The following TTC6 variants were observed in gnomAD, a reference collection of about 807,000 sequenced individuals.
The protein encoded by TTC6 is tetratricopeptide repeat protein 6.
In TTC6, 172 loss-of-function variants were observed where a neutral mutation model predicts 210.4. The observed-to-expected ratio is 0.82, with a 90% confidence interval of 0.72 to 0.93. TTC6 has a LOEUF of 0.93. Ranked by LOEUF, TTC6 falls within the 40% of genes least tolerant of loss-of-function variation. The probability of loss-of-function intolerance (pLI) is 0.00; values close to 1 mark genes in which losing one functional copy is unlikely to be tolerated. For missense variants in TTC6, 2,414 were observed against 2,318.1 expected (o/e 1.04, Z -0.85); for synonymous variants, 804 against 819.6 (o/e 0.98, Z 0.32).
chr14:37,603,913 T>C (rs1176689431), intron 1 of TTC6, among the ~76,000 whole-genome samples: 1 of 152,214 alleles, frequency 6.6e-6, no homozygotes, highest in Non-Finnish European at 1.5e-5. Flanking sequence ...AGCCTCAGTT[T>C]TCCCAACTGT....
chr14:37,735,871 T>C (rs1487558324), intron 7 of TTC6, 50 bp from the exon 10 acceptor site: 6 of 1,196,692 alleles, frequency 5.0e-6, no homozygotes, highest in Non-Finnish European at 5.9e-6. Context: ...TCATAGGCTT[T>C]TAAAAAGTAT....
intron 1 of TTC6, among the ~76,000 whole-genome samples, chr14:37,672,752 C>A (rs998930677): frequency 6.6e-6 from 1 of 150,806 alleles, no homozygotes; most frequent in African/African-American, 2.5e-5. Flanking sequence ...ATTCTGGAAA[C>A]ATTTTTTTCT....
At chr14:37,620,590 T>A (rs1186578189), upstream of TTC6, among the ~76,000 whole-genome samples, 1 of 152,222 alleles carries the variant, frequency 6.6e-6, no homozygotes, top group Non-Finnish European at 1.5e-5. Flanking sequence ...TGGCTTTGTG[T>A]AATGATCTTT....
chr14:37,699,930 G>T (rs904178620), intron 4 of TTC6, among the ~76,000 whole-genome samples: 7 of 152,098 alleles, frequency 4.6e-5, no homozygotes, highest in African/African-American at 1.7e-4. Flanking sequence ...CACCCAGTTT[G>T]GAAACTGGAG....
At chr14:37,725,312 GTATATATATATATATATATATATATATA>G (rs1169644241) in intron 7 of TTC6, among the ~76,000 whole-genome samples, 5 of 33,914 alleles carry the variant, frequency 1.5e-4, no homozygotes, top group Admixed American at 4.5e-4. Flanking sequence ...GTGTGTGTGT[GTATATATATATATATATATATATATATA>G]TATATATATA....
intron 14 of TTC6, among the ~76,000 whole-genome samples, chr14:37,774,615 A>T (rs192308441): frequency 6.6e-6 from 1 of 152,056 alleles, no homozygotes. Context: ...TAGCTTTTTG[A>T]CTTGCTGCTG....
chr14:37,628,581 G>A (rs1285124878), intron 1 of TTC6, among the ~76,000 whole-genome samples: 1 of 151,908 alleles, frequency 6.6e-6, no homozygotes, highest in African/African-American at 2.4e-5. Context: ...ATGATAGTTT[G>A]TTTTGCTGTG....
chr14:37,618,120 A>G (rs182279134), upstream of TTC6, among the ~76,000 whole-genome samples: 1 of 152,350 alleles, frequency 6.6e-6, no homozygotes, highest in Admixed American at 6.5e-5. Flanking sequence ...GTTACAGTCT[A>G]GAGCAAAGTT....
intron 18 of TTC6, 123 bp from the exon 21 acceptor site, chr14:37,796,171 T>A (rs2096092291): frequency 2.3e-6 from 1 of 427,238 alleles, no homozygotes; most frequent in Non-Finnish European, 4.3e-6. Context: ...TTCACTTTTT[T>A]ATGCATACAT....
exon 2 of TTC6, chr14:37,606,684 A>C: frequency 1.0e-6 from 1 of 974,820 alleles, no homozygotes; most frequent in Non-Finnish European, 1.2e-6. Flanking sequence ...CCTGTATGCC[A>C]TCTGTTTTCT....
chr14:37,791,212 T>A (rs1364595506), intron 16 of TTC6, among the ~76,000 whole-genome samples: 1 of 152,160 alleles, frequency 6.6e-6, no homozygotes, highest in Non-Finnish European at 1.5e-5. Flanking sequence ...CTGCTTGGTG[T>A]ATGATTGCTA....
chr14:37,827,203 C>T (rs751040109), exon 29 of TTC6: 3 of 1,611,830 alleles, frequency 1.9e-6, no homozygotes, highest in Non-Finnish European at 2.5e-6. Context: ...CAGATCAGTA[C>T]TACAGCAGAA....
intron 6 of TTC6, among the ~76,000 whole-genome samples, chr14:37,719,131 C>T (rs78526217): frequency 0.057 from 8,694 of 152,038 alleles, 383 homozygotes; most frequent in Non-Finnish European, 0.089. Context: ...CTGAAATAAT[C>T]AAGTGTAAAT....
At chr14:37,796,078 C>G (rs961411142) in intron 18 of TTC6, among the ~76,000 whole-genome samples, 1 of 151,924 alleles carries the variant, frequency 6.6e-6, no homozygotes, top group Non-Finnish European at 1.5e-5. Context: ...GTGTATTTTT[C>G]TTTCAGTGTT....
intron 29 of TTC6, among the ~76,000 whole-genome samples, chr14:37,827,635 A>G (rs1356493698): frequency 6.6e-6 from 1 of 152,088 alleles, no homozygotes; most frequent in Non-Finnish European, 1.5e-5. Context: ...TCTTATTGAG[A>G]CATAATTGAC....
intron 29 of TTC6, among the ~76,000 whole-genome samples, chr14:37,835,575 G>A (rs181550866): frequency 1.3e-4 from 20 of 152,278 alleles, no homozygotes; most frequent in Admixed American, 3.3e-4. Context: ...GATTTTGATA[G>A]TATGTAATCC....
At chr14:37,763,081 G>A (rs1455034915) in intron 14 of TTC6, among the ~76,000 whole-genome samples, 1 of 151,554 alleles carries the variant, frequency 6.6e-6, no homozygotes, top group Non-Finnish European at 1.5e-5. Context: ...GTAGAGACGG[G>A]GTTTCACCAT....
intron 19 of TTC6, 86 bp from the exon 22 acceptor site, chr14:37,796,701 A>G: frequency 1.6e-6 from 2 of 1,264,292 alleles, no homozygotes; most frequent in Non-Finnish European, 2.2e-6. Context: ...TATAAAGACA[A>G]ATTATTGAAT....
In TTC6 at chr14:37,753,256, C is replaced by A. The variant is rs1566932020; in HGVS notation, c.3266+21C>A. The A allele has an allele frequency of 4.7e-6, 7 of 1,495,982 alleles. No individual in the cohort carries two copies. The Admixed American group carries it at 1.1e-4, about 23-fold the overall frequency. 92.7% of individuals were successfully genotyped at this position (1,495,982 alleles called of 1,614,324 possible). On this transcript the variant is annotated intron_variant, in intron 14 of 30. Coordinates refer to ENST00000553443, the Ensembl canonical transcript of TTC6. ...GCAAGGTAAGAATGATTTTAGATGT[C>A]GTTTTAAAATTATTACTATTATTTG... is the stretch of plus-strand genomic sequence containing the variant.
Sources: gnomAD v4.1 joint callset for allele counts (sites outside exome capture counted in the v4.1 genomes callset) on GRCh38, gnomAD v4.1.1 for gene constraint, MANE v1.5 for transcripts, NCBI Gene and HGNC (gene_info 2026-07-23, HGNC 2026-07-21) for gene names.